The following PPM1L variants were observed in gnomAD, a reference collection of about 807,000 sequenced individuals.
The protein encoded by PPM1L is protein phosphatase 1L.
A neutral mutation model predicts 31.4 loss-of-function variants in PPM1L; 13 were observed. That is an observed-to-expected ratio of 0.41 (90% CI 0.27 to 0.66). The LOEUF is 0.66. PPM1L is among the 30% of genes least tolerant of loss of function. PPM1L has a pLI of 0.29. For synonymous variants in PPM1L, 184 were observed against 175.4 expected, an observed-to-expected ratio of 1.05 and a Z score of -0.39; for missense variants, 326 against 453.7, an observed-to-expected ratio of 0.72 and a Z score of 2.56.
chr3:160,864,742 T>G (rs929282423), intron 1 of PPM1L, among the ~76,000 whole-genome samples: 1 of 152,228 alleles, frequency 6.6e-6, no homozygotes, highest in African/African-American at 2.4e-5. Flanking sequence ...AAGAGATTCT[T>G]TCTGTTTCCA....
intron 1 of PPM1L, among the ~76,000 whole-genome samples, chr3:160,840,877 T>C (rs558492212): frequency 2.0e-5 from 3 of 152,216 alleles, no homozygotes; most frequent in African/African-American, 7.2e-5. Flanking sequence ...TGTCAGCTGA[T>C]TGGATGGTGC....
In PPM1L at chr3:161,072,399, A is replaced by G. The variant is rs947769198; in HGVS notation, c.*3242A>G. The stretch of plus-strand genomic sequence containing the variant: ...CTTGAATCTTGTATATGTCATAAGA[A>G]TATTATACAGAGAGTGTTATAGTGA... On this transcript the variant is annotated 3_prime_UTR_variant, in exon 4 of 4. Transcript: ENST00000498165. 7 of 152,246 alleles carry G rather than the reference A, an allele frequency of 4.6e-5. No individual in the cohort carries two copies. Among genetic ancestry groups the G allele is most frequent in the African/African-American group, 1.7e-4 (7 of 41,476 alleles). The allele number at this position is 152,246 out of a possible 1,614,324, so 9.4% of individuals were successfully genotyped here.
chr3:160,880,082 G>C (rs1364485378), intron 1 of PPM1L, among the ~76,000 whole-genome samples: 2 of 152,146 alleles, frequency 1.3e-5, no homozygotes, highest in African/African-American at 4.8e-5. Context: ...CATAAGCAGA[G>C]AGCATGCCCT....
At chr3:161,017,045 A>G (rs564406370) in intron 2 of PPM1L, among the ~76,000 whole-genome samples, 5 of 152,212 alleles carry the variant, frequency 3.3e-5, no homozygotes, top group Admixed American at 3.3e-4. Context: ...ATTTCAACTG[A>G]TATTTCTAGC....
Position 160,816,261 on chromosome 3 carries a change from T to TTGTGTG in PPM1L, c.399+59581_399+59586dup, listed in dbSNP as rs71147385. On this transcript the variant is annotated intron_variant, in intron 1 of 3. Transcript: ENST00000498165. ...CATTTGCAATCAAGAGCAGTTTCAT[T>TTGTGTG]TGTGTGTGTGTGTGTGTGTGTGTGT... Among the ~76,000 whole-genome samples the TTGTGTG allele has an allele frequency of 1.5e-3, 219 of 147,982 alleles. 3 individuals are homozygous for TTGTGTG. The highest frequency in any genetic ancestry group is 4.8e-3 in the African/African-American group (195 of 40,522).
chr3:160,815,462 A>C (rs1270402182), intron 1 of PPM1L, among the ~76,000 whole-genome samples: 1 of 151,826 alleles, frequency 6.6e-6, no homozygotes, highest in Non-Finnish European at 1.5e-5. Flanking sequence ...CTTTTTAGGG[A>C]GCAGGTACAG....
chr3:161,077,884 AAAT>A lies in PPM1L; in HGVS notation c.*8728_*8730del, dbSNP rs1239241944. On this transcript the variant is annotated 3_prime_UTR_variant, in exon 4 of 4. Transcript: ENST00000498165. The stretch of plus-strand genomic sequence containing the variant: ...ACCACAGAAACCATCACTTCTTTCT[AAAT>A]TATTTGCTTGCCTGCTCATTTCCCC... 1.3e-5 allele frequency: 2 copies of A among 152,218 alleles called. No individual in the cohort carries two copies. Among genetic ancestry groups the A allele is most frequent in the Admixed American group, 6.5e-5 (1 of 15,284 alleles). The allele number at this position is 152,218 out of a possible 1,614,324, so 9.4% of individuals were successfully genotyped here.
intron 1 of PPM1L, among the ~76,000 whole-genome samples, chr3:160,787,731 G>C (rs560537500): frequency 1.3e-5 from 2 of 152,220 alleles, no homozygotes; most frequent in South Asian, 4.2e-4. Flanking sequence ...TATAGTTTTA[G>C]GTTTTACATT....
intron 1 of PPM1L, among the ~76,000 whole-genome samples, chr3:160,958,272 AG>A (rs1340096268): frequency 6.6e-6 from 1 of 152,114 alleles, no homozygotes; most frequent in Non-Finnish European, 1.5e-5. Flanking sequence ...GTTATCTTCC[AG>A]GGTTTTTATA....
intron 2 of PPM1L, among the ~76,000 whole-genome samples, chr3:161,033,243 A>G (rs1324477442): frequency 6.6e-6 from 1 of 152,202 alleles, no homozygotes; most frequent in Non-Finnish European, 1.5e-5. Context: ...GAAGATCAAT[A>G]TCATGAAAAT....
chr3:160,804,908 C>A (rs897032268), intron 1 of PPM1L, among the ~76,000 whole-genome samples: 2 of 152,160 alleles, frequency 1.3e-5, no homozygotes, highest in Non-Finnish European at 2.9e-5. Flanking sequence ...AAGGGATCTG[C>A]CTCCTTCCTC....
intron 2 of PPM1L, among the ~76,000 whole-genome samples, chr3:161,048,028 C>T (rs930943595): frequency 6.6e-6 from 1 of 152,150 alleles, no homozygotes; most frequent in African/African-American, 2.4e-5. Context: ...TAGGCATGGG[C>T]AAGGACTTCA....
intron 1 of PPM1L, among the ~76,000 whole-genome samples, chr3:160,761,089 G>C (rs1027115122): frequency 6.6e-6 from 1 of 152,158 alleles, no homozygotes; most frequent in Non-Finnish European, 1.5e-5. Context: ...CTTGAGTCAT[G>C]CTGCTCTTTG....
intron 1 of PPM1L, among the ~76,000 whole-genome samples, chr3:160,806,519 T>C (rs1429772409): frequency 6.6e-6 from 1 of 152,204 alleles, no homozygotes; most frequent in Non-Finnish European, 1.5e-5. Context: ...CACAGTAAGC[T>C]TGCAATACAT....
intron 2 of PPM1L, among the ~76,000 whole-genome samples, chr3:161,025,561 G>T (rs1576790954): frequency 6.9e-6 from 1 of 144,638 alleles, no homozygotes; most frequent in South Asian, 2.2e-4. Context: ...GACACAGCAA[G>T]ACCTCATTTG....
At chr3:160,949,372 A>C (rs546233855) in intron 1 of PPM1L, among the ~76,000 whole-genome samples, 1 of 152,318 alleles carries the variant, frequency 6.6e-6, no homozygotes, top group South Asian at 2.1e-4. Flanking sequence ...TTGAAAATAC[A>C]TTTTTATCAT....
intron 1 of PPM1L, among the ~76,000 whole-genome samples, chr3:160,874,123 G>T (rs1712418800): frequency 6.6e-6 from 1 of 152,166 alleles, no homozygotes; most frequent in African/African-American, 2.4e-5. Context: ...TCCAGAAGGG[G>T]TCAGATTTTC....
intron 1 of PPM1L, among the ~76,000 whole-genome samples, chr3:160,908,781 A>G (rs1713852752): frequency 6.6e-6 from 1 of 152,218 alleles, no homozygotes; most frequent in African/African-American, 2.4e-5. Flanking sequence ...ACTGTCTTAC[A>G]GGGACAGGTA....
rs954161956 is a variant in PPM1L at position 161,071,898 on chromosome 3, G to A, written c.*2741G>A. 1 of 151,606 alleles carries A rather than the reference G, an allele frequency of 6.6e-6. No homozygotes were observed. Among genetic ancestry groups the A allele is most frequent in the African/African-American group, 2.4e-5 (1 of 41,406 alleles). 9.4% of individuals were successfully genotyped at this position (151,606 alleles called of 1,614,324 possible). ...CCTAAGCAGCACTGCCAAAGCTTTG[G>A]AATTGTCACCCAAGGCTTCCTAGAC... On this transcript the variant is annotated 3_prime_UTR_variant, in exon 4 of 4. Transcript: ENST00000498165.
Sources: allele counts gnomAD v4.1 joint callset (sites outside exome capture counted in the v4.1 genomes callset), GRCh38; gene constraint gnomAD v4.1.1; transcripts MANE v1.5; gene names NCBI Gene and HGNC (gene_info 2026-07-23, HGNC 2026-07-21).